Variants in SPOPL observed in about 807,000 individuals in gnomAD.
SPOPL encodes speckle type BTB/POZ protein like.
SPOPL carries 23 observed loss-of-function variants against 53.8 expected under a neutral mutation model. The observed-to-expected ratio is 0.43, with a 90% CI of 0.31 to 0.61. The LOEUF is 0.61. Ranked by LOEUF, SPOPL falls within the 20% of genes least tolerant of loss-of-function variation. The pLI is 0.12. For synonymous variants in SPOPL, 164 were observed against 149.7 expected, an observed-to-expected ratio of 1.10 and a Z score of -0.70; for missense variants, 442 against 466.9, an observed-to-expected ratio of 0.95 and a Z score of 0.49.
At chr2:138,554,211 T>TAGTGACCCCC (rs1553471348) in intron 5 of SPOPL, among the ~76,000 whole-genome samples, 3 of 151,934 alleles carry the variant, frequency 2.0e-5, no homozygotes, top group Admixed American at 6.6e-5. Flanking sequence ...ATCCATATGC[T>TAGTGACCCCC]ACATGCTAGT....
At chr2:138,527,263 G>C (rs1305373446) in intron 1 of SPOPL, among the ~76,000 whole-genome samples, 7 of 151,984 alleles carry the variant, frequency 4.6e-5, no homozygotes, top group African/African-American at 1.7e-4. Context: ...TCTCCCTTCA[G>C]ATTATGGAAA....
intron 1 of SPOPL, among the ~76,000 whole-genome samples, chr2:138,540,442 TCC>T (rs1460770079): frequency 6.6e-6 from 1 of 152,216 alleles, no homozygotes; most frequent in African/African-American, 2.4e-5. Context: ...TTTGTAGTTC[TCC>T]TTGAAGAGGT....
At chr2:138,540,094 C>T (rs970160275) in intron 1 of SPOPL, among the ~76,000 whole-genome samples, 3 of 152,102 alleles carry the variant, frequency 2.0e-5, no homozygotes, top group Admixed American at 6.5e-5. Context: ...TGTTCTGTTC[C>T]GTTGGTCTAT....
chr2:138,551,819 A>G (rs892752802), intron 4 of SPOPL, among the ~76,000 whole-genome samples: 2 of 151,998 alleles, frequency 1.3e-5, no homozygotes, highest in African/African-American at 2.4e-5. Context: ...TCTTTGTATA[A>G]TAGATAATGA....
At chr2:138,538,083 G>C (rs545804858) in intron 1 of SPOPL, among the ~76,000 whole-genome samples, 1 of 152,234 alleles carries the variant, frequency 6.6e-6, no homozygotes, top group East Asian at 1.9e-4. Context: ...AGGATACTTT[G>C]TATAATTTAA....
Position 138,570,372 on chromosome 2 carries a change from CTATT to C in SPOPL, c.*1296_*1299del, listed in dbSNP as rs987243011. On this transcript the variant is annotated 3_prime_UTR_variant, in exon 11 of 11. Transcript: ENST00000280098. Reference sequence around the variant, plus strand: ...TTCTGCATAATGTGAACAGGATAAACTATTTATAAACTGCTTTTCATGGGCCAGT... The same window carrying C: ...TTCTGCATAATGTGAACAGGATAAACTATAAACTGCTTTTCATGGGCCAGT... The C allele has an allele frequency of 7.2e-5, 11 of 152,168 alleles. No individual in the cohort carries two copies. Among genetic ancestry groups the C allele is most frequent in the Non-Finnish European group, 1.2e-4 (8 of 68,020 alleles). 9.4% of individuals were successfully genotyped at this position (152,168 alleles called of 1,614,324 possible). A position where few individuals can be genotyped will look rare whatever the true frequency, so the allele number is the denominator to read the frequency against.
At chr2:138,534,524 T>C (rs893430631) in intron 1 of SPOPL, among the ~76,000 whole-genome samples, 1 of 152,196 alleles carries the variant, frequency 6.6e-6, no homozygotes, top group Non-Finnish European at 1.5e-5. Flanking sequence ...GGGACAACTT[T>C]GATTACTTTT....
chr2:138,523,720 ATC>A (rs1684607452), intron 1 of SPOPL, among the ~76,000 whole-genome samples: 1 of 152,192 alleles, frequency 6.6e-6, no homozygotes, highest in African/African-American at 2.4e-5. Flanking sequence ...GGGCAGTCAA[ATC>A]TTAAAGCTTC....
chr2:138,532,924 T>TA (rs1684844996), intron 1 of SPOPL, among the ~76,000 whole-genome samples: 1 of 152,174 alleles, frequency 6.6e-6, no homozygotes, highest in African/African-American at 2.4e-5. Context: ...ACCTGCTAGT[T>TA]ACTCCATTAT....
intron 1 of SPOPL, among the ~76,000 whole-genome samples, chr2:138,533,801 A>T (rs1558869277): frequency 6.6e-6 from 1 of 152,148 alleles, no homozygotes; most frequent in African/African-American, 2.4e-5. Flanking sequence ...ATATGGTAGT[A>T]TTTCAAAATT....
intron 1 of SPOPL, among the ~76,000 whole-genome samples, chr2:138,518,218 A>G (rs981676823): frequency 6.6e-6 from 1 of 152,138 alleles, no homozygotes; most frequent in African/African-American, 2.4e-5. Context: ...TTGTTCTGAA[A>G]CAGAAAAGGT....
chr2:138,533,156 T>C (rs1483709646), intron 1 of SPOPL, among the ~76,000 whole-genome samples: 3 of 152,196 alleles, frequency 2.0e-5, no homozygotes, highest in African/African-American at 7.2e-5. Context: ...AATGAGGTGC[T>C]ATAATAATTT....
intron 1 of SPOPL, among the ~76,000 whole-genome samples, chr2:138,508,788 A>G (rs1261614703): frequency 1.3e-5 from 2 of 152,204 alleles, no homozygotes; most frequent in African/African-American, 2.4e-5. Flanking sequence ...ATTTATTTTT[A>G]CTAGTTCATA....
At chr2:138,533,735 C>T (rs536296692) in intron 1 of SPOPL, among the ~76,000 whole-genome samples, 3 of 151,918 alleles carry the variant, frequency 2.0e-5, no homozygotes, top group African/African-American at 7.2e-5. Context: ...TTGTTTTGAC[C>T]TCAGGCAGTA....
intron 1 of SPOPL, among the ~76,000 whole-genome samples, chr2:138,536,489 AT>A (rs1450545194): frequency 1.3e-5 from 2 of 152,314 alleles, no homozygotes; most frequent in South Asian, 2.1e-4. Context: ...GTTAAGGTCC[AT>A]TAATCTAGTG....
At chr2:138,520,495 G>A (rs922772791) in intron 1 of SPOPL, among the ~76,000 whole-genome samples, 1 of 152,184 alleles carries the variant, frequency 6.6e-6, no homozygotes, top group African/African-American at 2.4e-5. Context: ...AAAAGGCATG[G>A]TCAGGTTTTG....
At chr2:138,552,429 C>T (rs979450462) in intron 4 of SPOPL, 125 bp from the exon 5 acceptor site, 12 of 1,123,822 alleles carry the variant, frequency 1.1e-5, no homozygotes, top group African/African-American at 9.7e-5. Flanking sequence ...ACACAAATAT[C>T]GGTAACTTTT....
rs769353875 is a variant in SPOPL at position 138,551,091 on chromosome 2, A to G, written c.352+37A>G. The G allele has an allele frequency of 9.3e-6, 15 of 1,606,340 alleles. No individual in the cohort carries two copies. The East Asian group carries it at 1.8e-4, about 19-fold the overall frequency. ...GCAAACTAAGTGAAGACATTTCTGT[A>G]TAACTACATATTATGACTTCTTCTG... On this transcript the variant is annotated intron_variant, in intron 4 of 10. Transcript: ENST00000280098.
intron 1 of SPOPL, among the ~76,000 whole-genome samples, chr2:138,528,248 C>G (rs1412502577): frequency 6.6e-6 from 1 of 152,178 alleles, no homozygotes; most frequent in African/African-American, 2.4e-5. Context: ...AATACTGTTT[C>G]TAAAATAATT....
Sources: gnomAD v4.1 joint callset for allele counts (sites outside exome capture counted in the v4.1 genomes callset) on GRCh38, gnomAD v4.1.1 for gene constraint, MANE v1.5 for transcripts, NCBI Gene and HGNC (gene_info 2026-07-23, HGNC 2026-07-21) for gene names.